LRP8: variants seen among roughly 807,000 people sequenced by gnomAD.
LRP8 encodes the protein LDL receptor related protein 8.
A neutral mutation model predicts 111.6 loss-of-function variants in LRP8; 46 were observed. That is an observed-to-expected ratio of 0.41 (90% CI 0.33 to 0.53). The LOEUF (loss-of-function observed/expected upper bound fraction) is 0.53, where lower values mean the gene tolerates loss of function less well. Among genes scored for constraint, LRP8 ranks in the 20% least tolerant of loss-of-function variants. LRP8 has a pLI of 0.20. For synonymous variants in LRP8, 464 were observed against 511.2 expected, an observed-to-expected ratio of 0.91 and a Z score of 1.24; for missense variants, 959 against 1,297.4, an observed-to-expected ratio of 0.74 and a Z score of 4.01.
chr1:53,273,002 A>G (rs962640662), intron 6 of LRP8, among the ~76,000 whole-genome samples: 3 of 152,232 alleles, frequency 2.0e-5, no homozygotes, highest in African/African-American at 7.2e-5. Context: ...GAGAGAACTC[A>G]AAGTGACTGG....
intron 4 of LRP8, 76 bp downstream of exon 4, chr1:53,280,511 C>A: frequency 1.3e-6 from 2 of 1,567,744 alleles, no homozygotes; most frequent in Non-Finnish European, 1.7e-6. Flanking sequence ...TGGGCCCCCT[C>A]CCCAGAAGTG....
rs756067958 is a variant in LRP8, at chr1:53,262,416, G to C, written c.1774+30C>G. 1 of 1,600,396 alleles carries C rather than the reference G, an allele frequency of 6.2e-7. No homozygotes were observed. The highest frequency in any genetic ancestry group is 8.6e-7 in the Non-Finnish European group (1 of 1,168,494). ...GTGATCAGGACAAGGCACTAGAATA[G>C]GCCCCCAACCCAGGAAAGGCAGGGC... On this transcript the variant is annotated intron_variant, in intron 11 of 18. Transcript: ENST00000306052. This position sits in a 1 kb window ranked among gnomAD's most constrained non-coding sequence, Gnocchi z 4.8.
Position 53,303,069 on chromosome 1 carries a change from T to C in LRP8, c.245-13380A>G, listed in dbSNP as rs1179479643. 6.6e-6 allele frequency among the ~76,000 whole-genome samples: 1 copy of C among 152,110 alleles called. No individual in the cohort carries two copies. The highest frequency in any genetic ancestry group is 1.5e-5 in the Non-Finnish European group (1 of 68,036). On this transcript the variant is annotated intron_variant, in intron 2 of 18. Coordinates refer to ENST00000306052, the MANE Select transcript of LRP8 (RefSeq NM_004631.5). The surrounding 1 kb of genome is among the most constrained non-coding windows in gnomAD (Gnocchi z 4.3). The stretch of plus-strand genomic sequence containing the variant: ...GGGTGGGAATTAAGAGAGGTTGTAA[T>C]GTTGAAATTCATGGTGAAATTGCAC...
rs1000692929 is a variant in LRP8, at chr1:53,294,233, C to T, written c.245-4544G>A. 6.6e-6 allele frequency among the ~76,000 whole-genome samples: 1 copy of T among 152,186 alleles called. No homozygotes were observed. Among genetic ancestry groups the T allele is most frequent in the Non-Finnish European group, 1.5e-5 (1 of 68,040 alleles). On this transcript the variant is annotated intron_variant, in intron 2 of 18. Transcript: ENST00000306052. This position sits in a 1 kb window ranked among gnomAD's most constrained non-coding sequence, Gnocchi z 4.1. ...CAGCCCAGGAGTGATACATAGTCAACCAGGGTCTGCGACATCATAATCTGG... is the reference window on the plus strand; with the variant it reads ...CAGCCCAGGAGTGATACATAGTCAATCAGGGTCTGCGACATCATAATCTGG...
chr1:53,311,205 G>A (rs1327655688), intron 2 of LRP8, among the ~76,000 whole-genome samples: 2 of 151,896 alleles, frequency 1.3e-5, no homozygotes, highest in African/African-American at 2.4e-5. Flanking sequence ...CCCCAACACC[G>A]AGTGAGGGGT....
chr1:53,327,551 G>A (rs957367104), intron 1 of LRP8, among the ~76,000 whole-genome samples: 3 of 152,176 alleles, frequency 2.0e-5, no homozygotes, highest in Non-Finnish European at 4.4e-5. Flanking sequence ...CGCTGGCCAA[G>A]CCCCCCTGCA....
At chr1:53,318,750 T>C (rs963354954) in intron 2 of LRP8, among the ~76,000 whole-genome samples, 1 of 152,024 alleles carries the variant, frequency 6.6e-6, no homozygotes, top group African/African-American at 2.4e-5. Flanking sequence ...GAAAGCCATA[T>C]GTGAAAACAA....
rs1281910243 is a variant in LRP8 at position 53,317,900 on chromosome 1, G to A, written c.244+8973C>T. Among the ~76,000 whole-genome samples, 1 of 152,178 alleles carries A rather than the reference G, an allele frequency of 6.6e-6. No homozygotes were observed. The highest frequency in any genetic ancestry group is 1.5e-5 in the Non-Finnish European group (1 of 68,034). On this transcript the variant is annotated intron_variant, in intron 2 of 18. Transcript: ENST00000306052. This position sits in a 1 kb window ranked among gnomAD's most constrained non-coding sequence, Gnocchi z 4.9. ...TCTGGAAGTGGAGCTAAGGAGTCCA[G>A]CTGCCCTGTTTCCCTGCCCAGAATC...
Position 53,271,294 on chromosome 1 carries a change from G to A in LRP8, c.1059C>T (p.Asp353=). The change falls in exon 7 of 19, where the codon GAC becomes GAT. Residue 353 remains aspartate, a synonymous_variant. Transcript: ENST00000306052. ...ACGTGCATTCAAAGCCAATCTTGAG[G>A]TCAGTGCAGATGTGTGAGCAGCCGC... ...NNGGCSHICT[D]LKIGFECTCP... 6.2e-7 allele frequency: 1 copy of A among 1,613,994 alleles called. No homozygotes were observed.
rs1001142115 is a variant in LRP8 at position 53,243,562 on chromosome 1, A to C, written c.*3456T>G. The C allele has an allele frequency of 6.6e-6, 1 of 152,246 alleles. No homozygotes were observed. The allele number at this position is 152,246 out of a possible 1,614,324, so 9.4% of individuals were successfully genotyped here. A position where few individuals can be genotyped will look rare whatever the true frequency, so the allele number is the denominator to read the frequency against. On this transcript the variant is annotated 3_prime_UTR_variant, in exon 19 of 19. Coordinates refer to ENST00000306052, the MANE Select transcript of LRP8 (RefSeq NM_004631.5). ...TGATCAAGAAATGCTTCATTGAATC[A>C]GAAATTAATCTATTTTATAAAGTGC...
intron 10 of LRP8, among the ~76,000 whole-genome samples, chr1:53,263,820 A>G (rs932502319): frequency 2.0e-5 from 3 of 152,194 alleles, no homozygotes; most frequent in Non-Finnish European, 2.9e-5. Flanking sequence ...ATGGGAGGTA[A>G]TGAGCTACCT....
In LRP8 at chr1:53,275,112, A is replaced by T. The variant is rs1020502774; in HGVS notation, c.1006+519T>A. ...AGGACCAGGCAGCAGCTCTAGAGAG[A>T]CCTTAGAGGCTGGACTGATCATCTC... On this transcript the variant is annotated intron_variant, in intron 6 of 18. Transcript: ENST00000306052. This position sits in a 1 kb window ranked among gnomAD's most constrained non-coding sequence, Gnocchi z 4.4. Among the ~76,000 whole-genome samples the T allele has an allele frequency of 2.0e-5, 3 of 152,096 alleles. No individual in the cohort carries two copies. Among genetic ancestry groups the T allele is most frequent in the African/African-American group, 7.2e-5 (3 of 41,412 alleles).
rs201546988 is a variant in LRP8 at position 53,266,614 on chromosome 1, C to A, written c.1286G>T (p.Arg429Leu). Reference sequence around the variant, plus strand: ...CAGGTCGATCCTCCGCACCTCGTGCCGGTTGGTGAAGATTAGGGATGGGCT... The same window carrying A: ...CAGGTCGATCCTCCGCACCTCGTGCAGGTTGGTGAAGATTAGGGATGGGCT... The part of the protein sequence containing the change: ...GKSPSLIFTN[R>L]HEVRRIDLVK... The change falls in exon 9 of 19, where the codon CGG (arginine) becomes CTG (leucine). Residue 429 changes from arginine (R) to leucine (L), a missense_variant. Arg to Leu is a moderately radical substitution (Grantham distance 102). This residue lies in a region of LRP8 where 819 missense variants were observed against 1,097.6 expected (regional missense o/e 0.75). Coordinates refer to ENST00000306052, the MANE Select transcript of LRP8 (RefSeq NM_004631.5). The surrounding 1 kb of genome is among the most constrained non-coding windows in gnomAD (Gnocchi z 5.0). The A allele has an allele frequency of 6.2e-7, 1 of 1,614,034 alleles. No individual in the cohort carries two copies. The highest frequency in any genetic ancestry group is 8.5e-7 in the Non-Finnish European group (1 of 1,180,006).
rs1330548221 is a variant in LRP8, at chr1:53,271,015, G to T, written c.1252+13C>A. ...CTTTCAGAGCTGCCCCTCTGCCCTT[G>T]GGGTGTTCATACCAGCAGCCTTGCA... On this transcript the variant is annotated intron_variant, in intron 8 of 18. Transcript: ENST00000306052. The T allele has an allele frequency of 1.9e-6, 3 of 1,613,988 alleles. No homozygotes were observed. Among genetic ancestry groups the T allele is most frequent in the Non-Finnish European group, 2.5e-6 (3 of 1,180,006 alleles).
chr1:53,276,025 C>T (rs1427633945), intron 5 of LRP8, among the ~76,000 whole-genome samples: 2 of 152,166 alleles, frequency 1.3e-5, no homozygotes, highest in African/African-American at 4.8e-5. Context: ...CCTGTCCCTG[C>T]CTCTCTCCAG....
rs1204178669 is a variant in LRP8, at chr1:53,266,500, C to T, written c.1400G>A (p.Cys467Tyr). ...VEVATNRIYWCDLSYRKIYSA... is the reference protein window; with the variant it reads ...VEVATNRIYWYDLSYRKIYSA... ...ATAGATCTTACGGTAGGAGAGGTCACACCAGTAGATGCGATTGGTGGCAAC... is the reference window on the plus strand; with the variant it reads ...ATAGATCTTACGGTAGGAGAGGTCATACCAGTAGATGCGATTGGTGGCAAC... The change falls in exon 9 of 19, where the codon TGT becomes TAT. Residue 467 changes from cysteine to tyrosine, a missense_variant. Physicochemically the swap from Cys to Tyr is radical, Grantham distance 194 (BLOSUM62 -2). Coordinates refer to ENST00000306052, the MANE Select transcript of LRP8 (RefSeq NM_004631.5). The surrounding 1 kb of genome is among the most constrained non-coding windows in gnomAD (Gnocchi z 5.0). 6.2e-7 allele frequency: 1 copy of T among 1,614,080 alleles called. No homozygotes were observed. The highest frequency in any genetic ancestry group is 8.5e-7 in the Non-Finnish European group (1 of 1,180,042).
chr1:53,290,489 T>C (rs1200234059), intron 2 of LRP8, among the ~76,000 whole-genome samples: 3 of 152,094 alleles, frequency 2.0e-5, no homozygotes, highest in Non-Finnish European at 2.9e-5. Flanking sequence ...GCAGCTACTG[T>C]TGTTTTCAGG....
Position 53,262,058 on chromosome 1 carries a change from C to G in LRP8, c.1914+10G>C. 6.2e-7 allele frequency: 1 copy of G among 1,614,028 alleles called. No homozygotes were observed. The highest frequency in any genetic ancestry group is 8.5e-7 in the Non-Finnish European group (1 of 1,179,942). On this transcript the variant is annotated intron_variant, in intron 12 of 18. Transcript: ENST00000306052. This position sits in a 1 kb window ranked among gnomAD's most constrained non-coding sequence, Gnocchi z 4.8. ...CCTAGTGGGCCCTTGCCTCTCCTTA[C>G]AGGACTCACCTCAAACACAGCTATC...
chr1:53,252,798 A>C (rs1020879943), intron 16 of LRP8, among the ~76,000 whole-genome samples: 2 of 152,224 alleles, frequency 1.3e-5, no homozygotes, highest in African/African-American at 2.4e-5. Flanking sequence ...AACTTCACCA[A>C]AATTTTTATA....
Sources: allele counts gnomAD v4.1 joint callset (sites outside exome capture counted in the v4.1 genomes callset), GRCh38; gene constraint gnomAD v4.1.1; regional missense constraint gnomAD v4.1.1; non-coding constraint Gnocchi (gnomAD v3.1); transcripts MANE v1.5; gene names NCBI Gene and HGNC (gene_info 2026-07-23, HGNC 2026-07-21).